Variants in GRB10 observed in about 807,000 individuals in gnomAD.
GRB10 encodes growth factor receptor bound protein 10.
In GRB10, 20 loss-of-function variants were observed where a neutral mutation model predicts 80.9. That is an observed-to-expected ratio of 0.25 (90% CI 0.17 to 0.36). The LOEUF is 0.36. GRB10 is among the 10% of genes least tolerant of loss of function. The pLI, the probability that GRB10 is intolerant of heterozygous loss-of-function variation, is 1.00. For synonymous variants in GRB10, 291 were observed against 291.5 expected (o/e 1.00, Z 0.02); for missense variants, 548 against 747.7 (o/e 0.73, Z 3.12).
intron 4 of GRB10, among the ~76,000 whole-genome samples, chr7:50,708,867 G>T (rs773619849): frequency 6.6e-6 from 1 of 151,946 alleles, no homozygotes; most frequent in Non-Finnish European, 1.5e-5. Context: ...GTAGAGATGC[G>T]GTTTCACTAT....
At chr7:50,777,633 C>T (rs536791372) in intron 2 of GRB10, among the ~76,000 whole-genome samples, 28 of 151,980 alleles carry the variant, frequency 1.8e-4, no homozygotes, top group African/African-American at 5.6e-4. Context: ...TATTGCAGCA[C>T]TACTTACAAA....
chr7:50,605,175 C>A, intron 15 of GRB10, 115 bp downstream of exon 15: 1 of 772,570 alleles, frequency 1.3e-6, no homozygotes, highest in Non-Finnish European at 2.2e-6. Flanking sequence ...TCACCCCACC[C>A]AACATGGCAC....
intron 3 of GRB10, among the ~76,000 whole-genome samples, chr7:50,750,169 A>C (rs991215181): frequency 6.6e-6 from 1 of 152,208 alleles, no homozygotes; most frequent in African/African-American, 2.4e-5. Context: ...TCCGTGGGAA[A>C]GCACCCTAAA....
intron 1 of GRB10, chr7:50,792,308 A>T: frequency 3.6e-6 from 1 of 275,036 alleles, no homozygotes; most frequent in Non-Finnish European, 6.7e-6. Flanking sequence ...AACGCATTGT[A>T]AAGATCCAGG....
chr7:50,604,459 CCACTGG>C, intron 15 of GRB10, 82 bp from the exon 16 acceptor site: 1 of 1,189,450 alleles, frequency 8.4e-7, no homozygotes. Context: ...TCATGGCAGG[CCACTGG>C]GTGGGGTGCC....
At chr7:50,604,181 G>T in intron 16 of GRB10, 96 bp from the exon 17 acceptor site, 1 of 1,303,692 alleles carries the variant, frequency 7.7e-7, no homozygotes, top group South Asian at 1.2e-5. Context: ...CAGAGCCCCT[G>T]ACTCCCCCAG....
intron 7 of GRB10, among the ~76,000 whole-genome samples, chr7:50,629,350 G>A (rs183289688): frequency 1.3e-5 from 2 of 151,824 alleles, no homozygotes; most frequent in Non-Finnish European, 2.9e-5. Flanking sequence ...TCTATAAATA[G>A]CCCGGGTATT....
exon 1 of GRB10, chr7:50,793,424 C>G (rs1405790768): frequency 6.7e-6 from 1 of 148,630 alleles, no homozygotes; most frequent in South Asian, 1.8e-4. Context: ...CCCGCCCGGC[C>G]GCAGCTCGCT....
intron 1 of GRB10, among the ~76,000 whole-genome samples, chr7:50,792,231 C>G (rs1429497620): frequency 6.6e-6 from 1 of 152,078 alleles, no homozygotes; most frequent in African/African-American, 2.4e-5. Flanking sequence ...TTGTTTTGGT[C>G]TTTCCCCCCT....
intron 7 of GRB10, among the ~76,000 whole-genome samples, chr7:50,642,424 A>AACACATAC (rs1351076434): frequency 6.6e-6 from 1 of 152,086 alleles, no homozygotes; most frequent in Non-Finnish European, 1.5e-5. Flanking sequence ...AACATGCACA[A>AACACATAC]ACACATACAC....
rs762898710 is a variant in GRB10, at chr7:50,605,314, G to A, written c.1365C>T (p.Ala455=). 5 of 1,613,740 alleles carry A rather than the reference G, an allele frequency of 3.1e-6. No homozygotes were observed. The highest frequency in any genetic ancestry group is 2.7e-5 in the African/African-American group (2 of 74,948). The change falls in exon 15 of 19, where the codon GCC becomes GCT. Residue 455 remains alanine, a synonymous_variant. Transcript: ENST00000401949. ...CCCTCCAGGCGTGGCCCTCCTCCAG[G>A]GCTGCGCTCTGGGCCTCTGCCGGAT... ...IENPAEAQSA[A]LEEGHAWRKR...
chr7:50,687,060 AT>A (rs1315300622), intron 5 of GRB10, among the ~76,000 whole-genome samples: 1 of 152,204 alleles, frequency 6.6e-6, no homozygotes, highest in Non-Finnish European at 1.5e-5. Flanking sequence ...TAGGTGGGAA[AT>A]AGATTCATCA....
chr7:50,710,587 C>T (rs946331389), intron 4 of GRB10, among the ~76,000 whole-genome samples: 6 of 152,058 alleles, frequency 3.9e-5, no homozygotes, highest in African/African-American at 9.7e-5. Flanking sequence ...GGAGGGGCAG[C>T]GGGAAAACTG....
chr7:50,753,191 T>C (rs2074445435), intron 3 of GRB10, among the ~76,000 whole-genome samples: 1 of 152,214 alleles, frequency 6.6e-6, no homozygotes, highest in Admixed American at 6.5e-5. Context: ...TGAGACACTC[T>C]GCAAACTGAA....
intron 7 of GRB10, among the ~76,000 whole-genome samples, chr7:50,667,308 C>T (rs2237469): frequency 0.86 from 131,438 of 152,198 alleles, 56,883 homozygotes; most frequent in East Asian, 0.96. Context: ...TCTTTTCCTA[C>T]GTTAACTGAG....
At position 50,669,842 on chromosome 7, in the gene GRB10, C is replaced by G. The variant is rs2060182626; in HGVS notation, c.384G>C (p.Gln128His). The G allele has an allele frequency of 1.2e-5, 19 of 1,612,930 alleles. No individual in the cohort carries two copies. Among genetic ancestry groups the G allele is most frequent in the Non-Finnish European group, 1.6e-5 (19 of 1,179,540 alleles). Residue 128 changes from glutamine (Q) to histidine (H), a missense_variant, in exon 7 of 19, where the codon CAG (glutamine) becomes CAC (histidine). Physicochemically the swap from Gln to His is conservative, Grantham distance 24. Around this residue, in one of 4 missense-constraint regions of GRB10, gnomAD observed 245 missense variants for 229.3 expected, o/e 1.07. Transcript: ENST00000401949. ...LAVRRLQEED[Q>H]QFRTSSLPAI... ...CCGGCAGAGATGAGGTTCTAAACTGCTGGTCTTCCTCCTGAAGGCGCCTGG... is the reference window on the plus strand; with the variant it reads ...CCGGCAGAGATGAGGTTCTAAACTGGTGGTCTTCCTCCTGAAGGCGCCTGG...
intron 4 of GRB10, among the ~76,000 whole-genome samples, chr7:50,707,714 C>T (rs143409092): frequency 3.3e-5 from 5 of 152,316 alleles, no homozygotes; most frequent in Non-Finnish European, 5.9e-5. Flanking sequence ...TGCTACCCCA[C>T]GTATTTCAAA....
chr7:50,710,991 C>A (rs985809797), intron 4 of GRB10: 2 of 1,198,926 alleles, frequency 1.7e-6, no homozygotes, highest in Admixed American at 3.4e-5. Context: ...TTTTCAGAAC[C>A]TGGAGAACGG....
At chr7:50,749,130 G>T (rs199534936) in intron 3 of GRB10, among the ~76,000 whole-genome samples, 29 of 139,550 alleles carry the variant, frequency 2.1e-4, no homozygotes, top group South Asian at 1.3e-3. Flanking sequence ...TTGTTTTTTT[G>T]TTTGTTTTTT....
Sources: gnomAD v4.1 joint callset for allele counts (sites outside exome capture counted in the v4.1 genomes callset) on GRCh38, gnomAD v4.1.1 for gene constraint, gnomAD v4.1.1 regional missense constraint, MANE v1.5 for transcripts, NCBI Gene and HGNC (gene_info 2026-07-23, HGNC 2026-07-21) for gene names.